The following ZIM3 variants were observed in gnomAD, a reference collection of about 807,000 sequenced individuals.
ZIM3 encodes the protein zinc finger imprinted 3, also known as zinc finger protein 657.
Under a neutral mutation model 12.9 loss-of-function variants are expected in ZIM3, and 11 were observed. The ratio of observed to expected loss-of-function variants is 0.85; its 90% CI spans 0.54 to 1.41. ZIM3 has a LOEUF of 1.41. Among genes scored for constraint, ZIM3 ranks in the 40% most tolerant of loss-of-function variants. ZIM3 has a pLI of 0.00. For synonymous variants in ZIM3, 205 were observed against 198.5 expected (o/e 1.03, Z -0.28); for missense variants, 604 against 557.2 (o/e 1.08, Z -0.85).
At chr19:57,136,512 A>G in intron 4 of ZIM3, among the ~76,000 whole-genome samples, 1 of 151,834 alleles carries the variant, frequency 6.6e-6, no homozygotes, top group East Asian at 1.9e-4. Context: ...AAAATACAAA[A>G]AATTCGCCGG....
chr19:57,141,042 C>T (rs891744367), intron 2 of ZIM3, among the ~76,000 whole-genome samples: 2 of 152,130 alleles, frequency 1.3e-5, no homozygotes, highest in African/African-American at 4.8e-5. Context: ...GTGAAACACA[C>T]ATGACACTGT....
In ZIM3 at chr19:57,135,647, A is replaced by G. The variant is rs7251328; in HGVS notation, c.690T>C (p.Asn230=). ...ERPYKCENCG[N]AYKQKSNLFQ... is the part of the protein sequence containing the mutation. ...AGAGATTTGACTTCTGCTTGTAGGC[A>G]TTTCCACAGTTCTCACATTTATAGG... Residue 230 remains asparagine (N), a synonymous_variant, in exon 5 of 5, where the codon AAT becomes AAC. Coordinates refer to ENST00000269834, the MANE Select transcript of ZIM3 (RefSeq NM_052882.1). 931,390 of 1,612,932 alleles carry G rather than the reference A, an allele frequency of 0.58. 271,216 individuals carry two copies. Among genetic ancestry groups the G allele is most frequent in the East Asian group, 0.76 (34,170 of 44,792 alleles).
rs1487917784 is a variant in ZIM3, at chr19:57,135,005, T to G, written c.1332A>C (p.Gln444His). 4 of 1,614,054 alleles carry G rather than the reference T, an allele frequency of 2.5e-6. No individual in the cohort carries two copies. The African/African-American group carries it at 5.3e-5, about 22-fold the overall frequency. ...CGCATTCAGAACATCCATAAGGTTTTTGTCCAGTATGGGTTTTTTTATGCA... is the reference window on the plus strand; with the variant it reads ...CGCATTCAGAACATCCATAAGGTTTGTGTCCAGTATGGGTTTTTTTATGCA... ...LSLHKKTHTG[Q>H]KPYGCSECGK... Residue 444 changes from glutamine to histidine, a missense_variant, in exon 5 of 5, where the codon CAA becomes CAC. Transcript: ENST00000269834.
chr19:57,141,058 C>T lies in ZIM3; in HGVS notation c.15+1571G>A, dbSNP rs1221616014. On this transcript the variant is annotated intron_variant, in intron 2 of 4. Coordinates refer to ENST00000269834, the MANE Select transcript of ZIM3 (RefSeq NM_052882.1). The stretch of plus-strand genomic sequence containing the variant: ...TGAAACACACATGACACTGTTACAT[C>T]TCAGGGCTTAGCAGTGGACCAGGTT... 2.6e-5 allele frequency among the ~76,000 whole-genome samples: 4 copies of T among 152,100 alleles called. No individual in the cohort carries two copies. In the East Asian group the frequency reaches 7.7e-4, roughly 29 times the overall value.
Position 57,136,088 on chromosome 19 carries a change from A to T in ZIM3, c.249T>A (p.Asn83Lys), listed in dbSNP as rs1568458258. The stretch of plus-strand genomic sequence containing the variant: ...TCCAAATCTGCCCTCCAATGTCCCC[A>T]TTTTTTTCTAAAATGGAATACAAAA... ...EVLGSGRAEK[N>K]GDIGGQIWKP... Residue 83 changes from asparagine (N) to lysine (K), a missense_variant, in exon 5 of 5, where the codon AAT becomes AAA. Physicochemically the swap from Asn to Lys is moderately conservative, Grantham distance 94. Coordinates refer to ENST00000269834, the MANE Select transcript of ZIM3 (RefSeq NM_052882.1). 4 of 1,599,114 alleles carry T rather than the reference A, an allele frequency of 2.5e-6. No individual in the cohort carries two copies. In the South Asian group the frequency reaches 4.5e-5, roughly 18 times the overall value.
intron 2 of ZIM3, among the ~76,000 whole-genome samples, chr19:57,139,542 A>G (rs1211146984): frequency 6.6e-6 from 1 of 151,738 alleles, no homozygotes; most frequent in Non-Finnish European, 1.5e-5. Flanking sequence ...CCTCGTCAAC[A>G]TGGTGAAACC....
At chr19:57,137,605 C>A (rs1220683525) in intron 3 of ZIM3, among the ~76,000 whole-genome samples, 7 of 151,530 alleles carry the variant, frequency 4.6e-5, no homozygotes, top group African/African-American at 1.7e-4. Context: ...CCCAGCTACT[C>A]GGGAGGCTAA....
chr19:57,137,749 A>C (rs2086893054), intron 3 of ZIM3, among the ~76,000 whole-genome samples: 2 of 147,680 alleles, frequency 1.4e-5, no homozygotes, highest in African/African-American at 5.3e-5. Flanking sequence ...TGATTGCACC[A>C]CTGCACTCCA....
At chr19:57,142,074 C>G (rs2086916165) in intron 2 of ZIM3, among the ~76,000 whole-genome samples, 1 of 151,620 alleles carries the variant, frequency 6.6e-6, no homozygotes, top group Non-Finnish European at 1.5e-5. Flanking sequence ...CCCATTGTCT[C>G]AGTCATTGGC....
At chr19:57,140,656 T>TAG (rs560565674) in intron 2 of ZIM3, among the ~76,000 whole-genome samples, 163 of 151,960 alleles carry the variant, frequency 1.1e-3, no homozygotes, top group African/African-American at 3.6e-3. Context: ...TTATTATTTG[T>TAG]AGACAGGGTC....
chr19:57,145,181 G>T lies in ZIM3; in HGVS notation c.-365C>A, dbSNP rs897190138. 1.3e-5 allele frequency: 2 copies of T among 152,136 alleles called. No individual in the cohort carries two copies. The highest frequency in any genetic ancestry group is 1.3e-4 in the Admixed American group (2 of 15,266). 9.4% of individuals were successfully genotyped at this position (152,136 alleles called of 1,614,324 possible). Reference sequence around the variant, plus strand: ...TTGTGAAAGCTTAATTTTCAAATCTGCCCAATCAGTTTCCAATGGAATTTT... The same window carrying T: ...TTGTGAAAGCTTAATTTTCAAATCTTCCCAATCAGTTTCCAATGGAATTTT... On this transcript the variant is annotated 5_prime_UTR_variant, in exon 1 of 5. Transcript: ENST00000269834.
In ZIM3 at chr19:57,135,033, C is replaced by A; in HGVS notation, c.1304G>T (p.Ser435Ile). 1 of 1,614,060 alleles carries A rather than the reference C, an allele frequency of 6.2e-7. No individual in the cohort carries two copies. Among genetic ancestry groups the A allele is most frequent in the South Asian group, 1.1e-5 (1 of 91,072 alleles). ...GKTFIRKLNL[S>I]LHKKTHTGQK... is the part of the protein sequence containing the mutation. ...TCCAGTATGGGTTTTTTTATGCAAA[C>A]TAAGGTTTAATTTCCGGATGAAGGT... The change falls in exon 5 of 5, where the codon AGT becomes ATT. Residue 435 changes from serine (S) to isoleucine (I), a missense_variant. Ser to Ile is a moderately radical substitution (Grantham distance 142, BLOSUM62 -2). Transcript: ENST00000269834.
At chr19:57,137,369 T>A (rs2086891514) in intron 3 of ZIM3, among the ~76,000 whole-genome samples, 1 of 152,012 alleles carries the variant, frequency 6.6e-6, no homozygotes, top group Admixed American at 6.6e-5. Flanking sequence ...ACGTCTGTGG[T>A]CCCAGCTATT....
At position 57,135,019 on chromosome 19, in the gene ZIM3, T is replaced by C; in HGVS notation, c.1318A>G (p.Thr440Ala). 1 of 1,613,872 alleles carries C rather than the reference T, an allele frequency of 6.2e-7. No individual in the cohort carries two copies. The highest frequency in any genetic ancestry group is 1.1e-5 in the South Asian group (1 of 91,084). The stretch of plus-strand genomic sequence containing the variant: ...CCATAAGGTTTTTGTCCAGTATGGG[T>C]TTTTTTATGCAAACTAAGGTTTAAT... The part of the protein sequence containing the change: ...RKLNLSLHKK[T>A]HTGQKPYGCS... Residue 440 changes from threonine (T) to alanine (A), a missense_variant, in exon 5 of 5, where the codon ACC (threonine) becomes GCC (alanine). Thr to Ala is a moderately conservative substitution (Grantham distance 58). Transcript: ENST00000269834.
Position 57,135,850 on chromosome 19 carries a change from C to A in ZIM3, c.487G>T (p.Val163Leu). Reference protein sequence around the residue: ...KLVGNNPSKFVGQQLKCNACR... With the variant: ...KLVGNNPSKFLGQQLKCNACR... ...GCATTACATTTCAGTTGTTGTCCTACAAATTTGGATGGATTATTGCCAACT... is the reference window on the plus strand; with the variant it reads ...GCATTACATTTCAGTTGTTGTCCTAAAAATTTGGATGGATTATTGCCAACT... Residue 163 changes from valine (V) to leucine (L), a missense_variant, in exon 5 of 5, where the codon GTA (valine) becomes TTA (leucine). Coordinates refer to ENST00000269834, the MANE Select transcript of ZIM3 (RefSeq NM_052882.1). The A allele has an allele frequency of 3.1e-6, 5 of 1,614,118 alleles. No homozygotes were observed. Among genetic ancestry groups the A allele is most frequent in the South Asian group, 1.1e-5 (1 of 91,080 alleles).
Position 57,136,010 on chromosome 19 carries a change from C to T in ZIM3, c.327G>A (p.Lys109=). The part of the protein sequence containing the change: ...SLAREVPSIN[K]ETLTTQKGVE... Reference sequence around the variant, plus strand: ...CACCTTTCTGCGTAGTCAGCGTTTCCTTATTGATTGATGGGACTTCTCTTG... The same window carrying T: ...CACCTTTCTGCGTAGTCAGCGTTTCTTTATTGATTGATGGGACTTCTCTTG... Residue 109 remains lysine, a synonymous_variant, in exon 5 of 5, where the codon AAG becomes AAA. Coordinates refer to ENST00000269834, the MANE Select transcript of ZIM3 (RefSeq NM_052882.1). 2 of 1,614,120 alleles carry T rather than the reference C, an allele frequency of 1.2e-6. No homozygotes were observed. The highest frequency in any genetic ancestry group is 1.7e-6 in the Non-Finnish European group (2 of 1,180,038).
chr19:57,136,738 G>C, intron 4 of ZIM3, 135 bp downstream of exon 4: 1 of 644,666 alleles, frequency 1.6e-6, no homozygotes, highest in East Asian at 2.7e-5. Context: ...AAATTTCTGA[G>C]TGGAGAAAAA....
In ZIM3 at chr19:57,136,946, A is replaced by T. The variant is rs753484634; in HGVS notation, c.168T>A (p.Asp56Glu). The T allele has an allele frequency of 1.2e-6, 2 of 1,614,078 alleles. No homozygotes were observed. The highest frequency in any genetic ancestry group is 3.3e-5 in the Admixed American group (2 of 60,030). The stretch of plus-strand genomic sequence containing the variant: ...TTCCTTGTTCCAACCTCAAGATCAC[A>T]TCGGGTTTGGTGGTTTCCCCTTGTC... The part of the protein sequence containing the change: ...SVGQGETTKP[D>E]VILRLEQGKE... Residue 56 changes from aspartate (D) to glutamate (E), a missense_variant, in exon 4 of 5, where the codon GAT (aspartate) becomes GAA (glutamate). By Grantham distance (45) the Asp-to-Glu change is conservative. Transcript: ENST00000269834.
In ZIM3 at chr19:57,135,888, C is replaced by T; in HGVS notation, c.449G>A (p.Gly150Glu). The T allele has an allele frequency of 6.2e-7, 1 of 1,614,074 alleles. No individual in the cohort carries two copies. The highest frequency in any genetic ancestry group is 1.7e-5 in the Admixed American group (1 of 60,006). The change falls in exon 5 of 5, where the codon GGA (glycine) becomes GAA (glutamate). Residue 150 changes from glycine to glutamate, a missense_variant. By Grantham distance (98) the Gly-to-Glu change is moderately conservative. Transcript: ENST00000269834. ...YVQNNSHDDN[G>E]YRKLVGNNPS... The stretch of plus-strand genomic sequence containing the variant: ...ATTATTGCCAACTAATTTTCTGTAT[C>T]CATTATCATCGTGAGAATTATTTTG...
Sources: gnomAD v4.1 joint callset for allele counts (sites outside exome capture counted in the v4.1 genomes callset) on GRCh38, gnomAD v4.1.1 for gene constraint, MANE v1.5 for transcripts, NCBI Gene and HGNC (gene_info 2026-07-23, HGNC 2026-07-21) for gene names.